The following LRBA variants were observed in gnomAD, a reference collection of about 807,000 sequenced individuals.
LRBA encodes lipopolysaccharide-responsive and beige-like anchor protein.
LRBA carries 176 observed loss-of-function variants against 330.0 expected under a neutral mutation model. That is an observed-to-expected ratio of 0.53 (90% CI 0.47 to 0.60). The LOEUF (loss-of-function observed/expected upper bound fraction) is 0.60, where lower values mean the gene tolerates loss of function less well. Ranked by LOEUF, LRBA falls within the 20% of genes least tolerant of loss-of-function variation. LRBA has a pLI of 0.00. For synonymous variants in LRBA, 1,230 were observed against 1,193.0 expected, an observed-to-expected ratio of 1.03 and a Z score of -0.64; for missense variants, 3,259 against 3,444.8, an observed-to-expected ratio of 0.95 and a Z score of 1.35.
chr4:150,551,813 A>G (rs1238192128), intron 40 of LRBA, among the ~76,000 whole-genome samples: 3 of 152,232 alleles, frequency 2.0e-5, no homozygotes, highest in South Asian at 2.1e-4. Flanking sequence ...AAATATATGT[A>G]TGTGTATATA....
At chr4:150,867,112 T>TAAAAAA in intron 22 of LRBA, among the ~76,000 whole-genome samples, 1 of 122,754 alleles carries the variant, frequency 8.1e-6, no homozygotes, top group African/African-American at 3.0e-5. Flanking sequence ...TGGCTTAATT[T>TAAAAAA]AAAAAAAAAA....
chr4:150,951,550 T>A (rs1736835712), intron 2 of LRBA, among the ~76,000 whole-genome samples: 1 of 152,104 alleles, frequency 6.6e-6, no homozygotes, highest in Non-Finnish European at 1.5e-5. Context: ...TAATGACAAA[T>A]CTTACAACTT....
chr4:150,579,525 A>T (rs1319536932), intron 40 of LRBA: 2 of 399,752 alleles, frequency 5.0e-6, no homozygotes, highest in Non-Finnish European at 1.0e-5. Context: ...TCTACCTAAG[A>T]CAGGGTAAAT....
At chr4:150,849,145 TA>T in intron 25 of LRBA, 147 bp from the exon 26 acceptor site, 3 of 620,370 alleles carry the variant, frequency 4.8e-6, no homozygotes, top group South Asian at 2.6e-5. Flanking sequence ...TTATTTCATC[TA>T]AAAAGGGTGG....
intron 47 of LRBA, among the ~76,000 whole-genome samples, chr4:150,409,751 C>A (rs561836926): frequency 1.3e-5 from 2 of 152,178 alleles, no homozygotes; most frequent in South Asian, 4.2e-4. Flanking sequence ...ATCAATATGG[C>A]AAATCTTTTT....
At chr4:151,000,334 C>T (rs952238489) in intron 2 of LRBA, among the ~76,000 whole-genome samples, 3 of 152,272 alleles carry the variant, frequency 2.0e-5, no homozygotes, top group Admixed American at 6.5e-5. Flanking sequence ...ATAGAAGATT[C>T]GTACATACTG....
intron 46 of LRBA, among the ~76,000 whole-genome samples, chr4:150,421,148 T>TATATTATATAAAGTATATATAATATAC (rs1748716873): frequency 9.3e-6 from 1 of 107,724 alleles, no homozygotes; most frequent in Non-Finnish European, 1.9e-5. Context: ...TAATATACAT[T>TATATTATATAAAGTATATATAATATAC]ATATTATATA....
intron 35 of LRBA, among the ~76,000 whole-genome samples, chr4:150,759,672 C>CTT (rs146516109): frequency 6.7e-6 from 1 of 149,178 alleles, no homozygotes; most frequent in Admixed American, 6.7e-5. Flanking sequence ...ATATAACTTA[C>CTT]TTTTTTTTTT....
chr4:150,674,998 C>T (rs922874342), intron 37 of LRBA, among the ~76,000 whole-genome samples: 2 of 152,040 alleles, frequency 1.3e-5, no homozygotes, highest in Non-Finnish European at 2.9e-5. Flanking sequence ...AGGTAGATTG[C>T]TTGAGCCCAG....
rs1186282306 is a variant in LRBA, at chr4:150,676,058, A to G, written c.5921+7493T>C. Among the ~76,000 whole-genome samples, 3 of 152,122 alleles carry G rather than the reference A, an allele frequency of 2.0e-5. No individual in the cohort carries two copies. The East Asian group carries it at 5.8e-4, about 29-fold the overall frequency. On this transcript the variant is annotated intron_variant, in intron 37 of 56. Coordinates refer to ENST00000651943, the MANE Select transcript of LRBA (RefSeq NM_001364905.1). The stretch of plus-strand genomic sequence containing the variant: ...ACCTCAAGCTCTATGCAAACAGACT[A>G]TTACTTTCTTCTCACTTGCAATTTG...
Position 150,265,193 on chromosome 4 carries a change from T to C in LRBA, c.*529A>G, listed in dbSNP as rs1454558129. 6.5e-6 allele frequency: 1 copy of C among 154,540 alleles called. No individual in the cohort carries two copies. Among genetic ancestry groups the C allele is most frequent in the Non-Finnish European group, 1.4e-5 (1 of 69,210 alleles). 9.6% of individuals were successfully genotyped at this position (154,540 alleles called of 1,614,324 possible). A position where few individuals can be genotyped will look rare whatever the true frequency, so the allele number is the denominator to read the frequency against. On this transcript the variant is annotated 3_prime_UTR_variant, in exon 57 of 57. Coordinates refer to ENST00000651943, the MANE Select transcript of LRBA (RefSeq NM_001364905.1). ...AAACATGCTTGAAGAACAATATTGA[T>C]AGACAGACTTAATTGAGATGTTTTA...
chr4:150,579,368 G>A (rs1355532486), intron 40 of LRBA: 1 of 454,536 alleles, frequency 2.2e-6, no homozygotes, highest in African/African-American at 2.0e-5. Context: ...GAGTTGGGGT[G>A]GGGGAGGGGG....
chr4:151,002,391 A>C (rs540554882), intron 2 of LRBA, among the ~76,000 whole-genome samples: 74 of 149,258 alleles, frequency 5.0e-4, no homozygotes, highest in African/African-American at 1.6e-3. Flanking sequence ...AAATGATGAA[A>C]CCCCCCCCAC....
In LRBA at chr4:150,906,340, A is replaced by C; in HGVS notation, c.1559T>G (p.Leu520Arg). ...KNSIAMQEQM[L>R]ACKGFLVIGY... ...TATTACCAAGAAGCCCTTACAGGCA[A>C]GCATCTGTTCCTGCATAGCAATTGA... The change falls in exon 12 of 57, where the codon CTT becomes CGT. Residue 520 changes from leucine to arginine, a missense_variant. Coordinates refer to ENST00000651943, the MANE Select transcript of LRBA (RefSeq NM_001364905.1). The C allele has an allele frequency of 2.5e-6, 4 of 1,612,442 alleles. No individual in the cohort carries two copies. The highest frequency in any genetic ancestry group is 3.4e-6 in the Non-Finnish European group (4 of 1,178,620).
At chr4:150,500,344 G>T (rs1337294997) in intron 40 of LRBA, among the ~76,000 whole-genome samples, 1 of 151,918 alleles carries the variant, frequency 6.6e-6, no homozygotes, top group African/African-American at 2.4e-5. Flanking sequence ...GGAGGCTGAG[G>T]CGGGCAAATA....
intron 48 of LRBA, among the ~76,000 whole-genome samples, chr4:150,339,844 CTT>C (rs33987955): frequency 4.2e-4 from 58 of 136,934 alleles, no homozygotes; most frequent in Non-Finnish European, 3.9e-4. Flanking sequence ...GCTCCTTTTC[CTT>C]TTTTTTTTTT....
At chr4:150,419,750 G>A (rs1245940707) in intron 46 of LRBA, among the ~76,000 whole-genome samples, 2 of 146,644 alleles carry the variant, frequency 1.4e-5, no homozygotes, top group Non-Finnish European at 3.0e-5. Context: ...CGATTCTCAT[G>A]CCTCAGCTTC....
chr4:150,947,287 C>CA (rs1736347626), intron 2 of LRBA, among the ~76,000 whole-genome samples: 1 of 147,044 alleles, frequency 6.8e-6, no homozygotes, highest in Admixed American at 6.8e-5. Flanking sequence ...AAATTCTTAA[C>CA]AAAAAATTAG....
chr4:150,298,655 C>A (rs1729266705), intron 53 of LRBA, among the ~76,000 whole-genome samples: 1 of 151,936 alleles, frequency 6.6e-6, no homozygotes, highest in African/African-American at 2.4e-5. Flanking sequence ...AGAACAGAAT[C>A]TTGTTGTTAT....
Sources: gnomAD v4.1 joint callset for allele counts (sites outside exome capture counted in the v4.1 genomes callset) on GRCh38, gnomAD v4.1.1 for gene constraint, MANE v1.5 for transcripts, NCBI Gene and HGNC (gene_info 2026-07-23, HGNC 2026-07-21) for gene names.